Variants in CDC42BPB observed in about 807,000 individuals in gnomAD.
CDC42BPB encodes the protein serine/threonine-protein kinase MRCK beta.
A neutral mutation model predicts 214.9 loss-of-function variants in CDC42BPB; 37 were observed. The observed-to-expected ratio is 0.17, with a 90% CI of 0.13 to 0.23. The LOEUF (loss-of-function observed/expected upper bound fraction) is 0.23. CDC42BPB is among the 10% of genes least tolerant of loss of function. The probability of loss-of-function intolerance (pLI) is 1.00; values close to 1 mark genes in which losing one functional copy is unlikely to be tolerated. For missense variants in CDC42BPB, 1,694 were observed against 2,227.0 expected, an observed-to-expected ratio of 0.76 and a Z score of 4.82; for synonymous variants, 931 against 884.0, an observed-to-expected ratio of 1.05 and a Z score of -0.94.
chr14:102,977,876 G>A (rs950947846), intron 9 of CDC42BPB, among the ~76,000 whole-genome samples: 3 of 152,132 alleles, frequency 2.0e-5, no homozygotes, highest in Non-Finnish European at 2.9e-5. Flanking sequence ...TACAACAAAG[G>A]CCATGAAACC....
Position 102,932,874 on chromosome 14 carries a change from G to GT in CDC42BPB, c.*837dup, listed in dbSNP as rs971434156. On this transcript the variant is annotated 3_prime_UTR_variant, in exon 37 of 37. Coordinates refer to ENST00000361246, the MANE Select transcript of CDC42BPB (RefSeq NM_006035.4). The stretch of plus-strand genomic sequence containing the variant: ...GGGGCTCCATGCGGGGGCAGGACTG[G>GT]TGGGGGGGGGGGCGGGCAGGGCGGG... 3 of 104,336 alleles carry GT rather than the reference G, an allele frequency of 2.9e-5. No individual in the cohort carries two copies. Among genetic ancestry groups the GT allele is most frequent in the Non-Finnish European group, 6.5e-5 (3 of 46,226 alleles). 6.5% of individuals were successfully genotyped at this position (104,336 alleles called of 1,614,324 possible).
At chr14:102,989,265 G>T (rs1312774710) in intron 5 of CDC42BPB, among the ~76,000 whole-genome samples, 3 of 152,190 alleles carry the variant, frequency 2.0e-5, no homozygotes, top group Non-Finnish European at 2.9e-5. Context: ...GGTTGGCAAA[G>T]CTGCAAGGAA....
At chr14:103,005,670 C>CA (rs1307395123) in intron 3 of CDC42BPB, among the ~76,000 whole-genome samples, 2 of 152,012 alleles carry the variant, frequency 1.3e-5, no homozygotes, top group Non-Finnish European at 2.9e-5. Flanking sequence ...GCCTGTACAA[C>CA]AGAGTAACAG....
chr14:102,952,943 TC>T (rs1411149851), intron 23 of CDC42BPB, among the ~76,000 whole-genome samples: 3 of 152,180 alleles, frequency 2.0e-5, no homozygotes, highest in Non-Finnish European at 1.5e-5. Context: ...ACCAACTGGC[TC>T]TTGGGGGCCG....
intron 1 of CDC42BPB, among the ~76,000 whole-genome samples, chr14:103,015,812 G>A (rs980387609): frequency 6.6e-6 from 1 of 151,792 alleles, no homozygotes; most frequent in African/African-American, 2.4e-5. Flanking sequence ...GGGTTCAAGC[G>A]ATTCTCCTGC....
chr14:103,057,036 C>G lies in CDC42BPB; in HGVS notation c.138G>C (p.Leu46=). Residue 46 remains leucine (L), a synonymous_variant, in exon 1 of 37, where the codon CTG becomes CTC. Transcript: ENST00000361246. ...CLYTECSHSA[L]RRDKYVAEFL... ...ACTCGGCCACGTACTTGTCGCGGCG[C>G]AGGGCCGAGTGGCTGCACTCGGTGT... The G allele has an allele frequency of 2.0e-6, 3 of 1,514,458 alleles. No individual in the cohort carries two copies. Among genetic ancestry groups the G allele is most frequent in the Non-Finnish European group, 2.6e-6 (3 of 1,136,190 alleles). 93.8% of individuals were successfully genotyped at this position (1,514,458 alleles called of 1,614,324 possible). A position where few individuals can be genotyped will look rare whatever the true frequency, so the allele number is the denominator to read the frequency against.
chr14:102,969,667 G>C (rs1029892064), intron 14 of CDC42BPB, among the ~76,000 whole-genome samples: 2 of 152,214 alleles, frequency 1.3e-5, no homozygotes, highest in African/African-American at 2.4e-5. Context: ...TTGCCCACTT[G>C]GCCACTGTGG....
chr14:102,970,396 TCA>T, intron 13 of CDC42BPB, 135 bp from the exon 14 acceptor site: 1 of 1,385,830 alleles, frequency 7.2e-7, no homozygotes, highest in Non-Finnish European at 9.4e-7. Flanking sequence ...TCAAATCTTA[TCA>T]CAAATTAAAG....
rs1893710830 is a variant in CDC42BPB, at chr14:102,975,774, C to T, written c.1417G>A (p.Gly473Ser). ...GAATTGCTGAGGGCCCGAGATGAGC[C>T]GTGGAGGGACTGCACGGTCTGGGTG... ...ESTQTVQSLH[G>S]SSRALSNSNR... Residue 473 changes from glycine to serine, a missense_variant, in exon 11 of 37, where the codon GGC (glycine) becomes AGC (serine). Gly to Ser is a moderately conservative substitution (Grantham distance 56). Around this residue, in one of 7 missense-constraint regions of CDC42BPB, gnomAD observed 462 missense variants for 513.5 expected, o/e 0.90. Transcript: ENST00000361246. 4 of 1,614,052 alleles carry T rather than the reference C, an allele frequency of 2.5e-6. No homozygotes were observed. Among genetic ancestry groups the T allele is most frequent in the East Asian group, 2.2e-5 (1 of 44,898 alleles).
intron 24 of CDC42BPB, 138 bp downstream of exon 24, chr14:102,952,359 CT>C (rs1474099196): frequency 1.6e-6 from 1 of 606,436 alleles, no homozygotes; most frequent in Non-Finnish European, 2.9e-6. Context: ...AAAAAAAACC[CT>C]GTCCTCAAAT....
At chr14:103,038,719 G>GC (rs1205905204) in intron 1 of CDC42BPB, among the ~76,000 whole-genome samples, 3 of 121,436 alleles carry the variant, frequency 2.5e-5, no homozygotes, top group Non-Finnish European at 5.2e-5. Context: ...TAGAGACGGG[G>GC]GGGGGGGGCG....
At chr14:103,025,246 C>T (rs1192764409) in intron 1 of CDC42BPB, among the ~76,000 whole-genome samples, 1 of 152,060 alleles carries the variant, frequency 6.6e-6, no homozygotes, top group Non-Finnish European at 1.5e-5. Flanking sequence ...TGTAAGCAAG[C>T]ACACTGTCCG....
At chr14:103,034,111 G>A (rs565588960) in intron 1 of CDC42BPB, among the ~76,000 whole-genome samples, 25 of 152,318 alleles carry the variant, frequency 1.6e-4, no homozygotes, top group Non-Finnish European at 2.8e-4. Flanking sequence ...CTAAGATGGC[G>A]ACTCTCTTAC....
intron 36 of CDC42BPB, among the ~76,000 whole-genome samples, chr14:102,937,742 G>A (rs1221146338): frequency 6.6e-6 from 1 of 152,266 alleles, no homozygotes; most frequent in Non-Finnish European, 1.5e-5. Flanking sequence ...ACCAACCAAT[G>A]TGGAAGGTCA....
chr14:102,995,471 G>A (rs940932235), intron 5 of CDC42BPB, among the ~76,000 whole-genome samples: 1 of 152,196 alleles, frequency 6.6e-6, no homozygotes, highest in African/African-American at 2.4e-5. Context: ...CACTGTGGCC[G>A]ATGTTCTCTC....
In CDC42BPB at chr14:102,999,724, G is replaced by T. The variant is rs776963551; in HGVS notation, c.448-11C>A. 6.2e-7 allele frequency: 1 copy of T among 1,614,052 alleles called. No homozygotes were observed. Among genetic ancestry groups the T allele is most frequent in the Non-Finnish European group, 8.5e-7 (1 of 1,179,950 alleles). On this transcript the variant is annotated splice_polypyrimidine_tract_variant and intron_variant, in intron 4 of 36. Transcript: ENST00000361246. ...ATCCATGACTAAGTACTACAAATTG[G>T]AAAGAGAAGGGGAGAGAATACCACA... is the stretch of plus-strand genomic sequence containing the variant.
chr14:102,949,742 G>C (rs1455745603), intron 26 of CDC42BPB, 23 bp downstream of exon 26: 2 of 1,613,046 alleles, frequency 1.2e-6, no homozygotes, highest in Middle Eastern at 1.6e-4. Flanking sequence ...ACAGAGCAAG[G>C]ACAGTGCTGC....
chr14:102,961,668 T>C lies in CDC42BPB; in HGVS notation c.2821+1393A>G, dbSNP rs148111011. Among the ~76,000 whole-genome samples the C allele has an allele frequency of 6.4e-3, 979 of 152,124 alleles. 13 individuals are homozygous for C. The highest frequency in any genetic ancestry group is 0.022 in the African/African-American group (933 of 41,496). ...AAACAATACTCCTGCCTCAGCCTCC[T>C]GAGTAGCTGGGATTACAGGCATGCA... On this transcript the variant is annotated intron_variant, in intron 20 of 36. Transcript: ENST00000361246.
At chr14:103,049,861 G>A (rs535551078) in intron 1 of CDC42BPB, among the ~76,000 whole-genome samples, 2 of 152,246 alleles carry the variant, frequency 1.3e-5, no homozygotes, top group South Asian at 2.1e-4. Context: ...TTACAGGCGT[G>A]CGCCACCAGC....
Sources: allele counts gnomAD v4.1 joint callset (sites outside exome capture counted in the v4.1 genomes callset), GRCh38; gene constraint gnomAD v4.1.1; regional missense constraint gnomAD v4.1.1; transcripts MANE v1.5; gene names NCBI Gene and HGNC (gene_info 2026-07-23, HGNC 2026-07-21).